Variants in TRDN observed in about 807,000 individuals in gnomAD.
TRDN encodes triadin in skeletal muscle.
In TRDN, 161 loss-of-function variants were observed where a neutral mutation model predicts 149.7. The observed-to-expected ratio is 1.08, with a 90% CI of 0.95 to 1.23. TRDN has a LOEUF of 1.23. Ranked by LOEUF, TRDN falls within the 50% of genes most tolerant of loss-of-function variation. TRDN has a pLI of 0.00. For synonymous variants in TRDN, 294 were observed against 250.5 expected (o/e 1.17, Z -1.64); for missense variants, 896 against 823.5 (o/e 1.09, Z -1.08).
At chr6:123,302,581 T>C (rs1368887907) in intron 24 of TRDN, among the ~76,000 whole-genome samples, 1 of 152,112 alleles carries the variant, frequency 6.6e-6, no homozygotes, top group Non-Finnish European at 1.5e-5. Flanking sequence ...ACTTGGTGCA[T>C]AGTCATTCAA....
chr6:123,382,964 C>A (rs1305348602), intron 14 of TRDN, among the ~76,000 whole-genome samples: 1 of 151,990 alleles, frequency 6.6e-6, no homozygotes, highest in Non-Finnish European at 1.5e-5. Context: ...TTTACTGTTT[C>A]TGTAAGAACT....
intron 34 of TRDN, 82 bp from the exon 35 acceptor site, chr6:123,259,744 A>G (rs1776694682): frequency 2.0e-6 from 2 of 980,456 alleles, no homozygotes; most frequent in Non-Finnish European, 3.0e-6. Flanking sequence ...ACAGTTGGAG[A>G]TGAGACTTAA....
intron 21 of TRDN, among the ~76,000 whole-genome samples, chr6:123,339,254 C>A (rs1164554215): frequency 2.0e-5 from 3 of 152,146 alleles, no homozygotes; most frequent in African/African-American, 7.2e-5. Flanking sequence ...ATCTGCTGAA[C>A]TCGGTCTCCC....
At chr6:123,463,140 A>G (rs893111167) in intron 10 of TRDN, 1 of 152,120 alleles carries the variant, frequency 6.6e-6, no homozygotes, top group African/African-American at 2.4e-5. Flanking sequence ...GATTGAGACC[A>G]TCCTGGCTAA....
intron 27 of TRDN, among the ~76,000 whole-genome samples, chr6:123,274,192 TC>T (rs1777296791): frequency 6.6e-6 from 1 of 152,122 alleles, no homozygotes; most frequent in South Asian, 2.1e-4. Context: ...CCTATGCTAG[TC>T]CTTAGCTCAC....
At chr6:123,258,179 G>A in intron 35 of TRDN, among the ~76,000 whole-genome samples, 1 of 152,136 alleles carries the variant, frequency 6.6e-6, no homozygotes, top group East Asian at 1.9e-4. Flanking sequence ...ATGTTGAATA[G>A]GAGTGGTGAA....
intron 12 of TRDN, among the ~76,000 whole-genome samples, chr6:123,402,993 C>T (rs1040925187): frequency 6.6e-6 from 1 of 152,058 alleles, no homozygotes; most frequent in African/African-American, 2.4e-5. Flanking sequence ...ATTGAGTAGA[C>T]ATTTGAAGAA....
intron 9 of TRDN, chr6:123,468,684 T>C (rs1201163429): frequency 1.3e-5 from 2 of 152,324 alleles, no homozygotes; most frequent in Admixed American, 6.5e-5. Flanking sequence ...GTTTAATCTA[T>C]CTAGTTTCTT....
chr6:123,416,574 C>T (rs1245004000), intron 12 of TRDN, among the ~76,000 whole-genome samples: 10 of 152,276 alleles, frequency 6.6e-5, no homozygotes, highest in African/African-American at 1.9e-4. Flanking sequence ...CCTCTCAATT[C>T]TTCATAGCAA....
At chr6:123,566,475 C>A (rs1384541427) in intron 2 of TRDN, among the ~76,000 whole-genome samples, 1 of 152,172 alleles carries the variant, frequency 6.6e-6, no homozygotes, top group Admixed American at 6.5e-5. Flanking sequence ...GAGAATTATT[C>A]TTCTCAATCC....
chr6:123,307,063 G>C (rs1478576817), intron 24 of TRDN, among the ~76,000 whole-genome samples: 1 of 151,912 alleles, frequency 6.6e-6, no homozygotes, highest in East Asian at 1.9e-4. Context: ...CTTTTTCTGA[G>C]AAATAAGAGG....
At chr6:123,556,361 A>C (rs1057202620) in intron 2 of TRDN, among the ~76,000 whole-genome samples, 1 of 152,204 alleles carries the variant, frequency 6.6e-6, no homozygotes, top group African/African-American at 2.4e-5. Context: ...GATTTTTAAC[A>C]TAGAGACCAT....
chr6:123,316,837 T>C (rs1465765954), intron 23 of TRDN, among the ~76,000 whole-genome samples: 1 of 151,902 alleles, frequency 6.6e-6, no homozygotes, highest in East Asian at 1.9e-4. Flanking sequence ...TAAAAATTGC[T>C]CAGAAGAAAA....
At chr6:123,535,757 T>C (rs922943870) in intron 4 of TRDN, among the ~76,000 whole-genome samples, 1 of 152,184 alleles carries the variant, frequency 6.6e-6, no homozygotes, top group Non-Finnish European at 1.5e-5. Flanking sequence ...TTTTAGATTA[T>C]TCTTTATTTC....
chr6:123,551,223 T>TATATATATATATATATATA (rs1311778479), intron 2 of TRDN, among the ~76,000 whole-genome samples: 32 of 137,426 alleles, frequency 2.3e-4, no homozygotes, highest in South Asian at 6.7e-4. Flanking sequence ...TATATATATA[T>TATATATATATATATATATA]TGCCTGGTTC....
chr6:123,253,597 A>G (rs1193612950), intron 37 of TRDN, among the ~76,000 whole-genome samples: 2 of 152,092 alleles, frequency 1.3e-5, no homozygotes, highest in Non-Finnish European at 1.5e-5. Context: ...AATTTAGGGG[A>G]AAAATAGACT....
intron 23 of TRDN, among the ~76,000 whole-genome samples, chr6:123,321,907 C>A (rs1367189766): frequency 2.0e-5 from 3 of 151,926 alleles, no homozygotes; most frequent in Non-Finnish European, 4.4e-5. Context: ...TGATTTTGAA[C>A]TTCTTCAGTT....
intron 24 of TRDN, 104 bp from the exon 25 acceptor site, chr6:123,279,186 T>A: frequency 1.1e-6 from 1 of 894,774 alleles, no homozygotes; most frequent in Non-Finnish European, 1.6e-6. Context: ...AATGAAACAA[T>A]GTAGACCCCA....
At chr6:123,391,737 T>A (rs1232476050) in intron 13 of TRDN, among the ~76,000 whole-genome samples, 1 of 152,200 alleles carries the variant, frequency 6.6e-6, no homozygotes, top group East Asian at 1.9e-4. Context: ...TGTCCTTTGT[T>A]GTAAAAGTTA....
Sources: allele counts gnomAD v4.1 joint callset (sites outside exome capture counted in the v4.1 genomes callset), GRCh38; gene constraint gnomAD v4.1.1; transcripts MANE v1.5; gene names NCBI Gene and HGNC (gene_info 2026-07-23, HGNC 2026-07-21).